The following NLE1 variants were observed in gnomAD, a reference collection of about 807,000 sequenced individuals.
NLE1 encodes the protein notchless homolog 1, also known as notchless protein homolog 1.
Under a neutral mutation model 62.8 loss-of-function variants are expected in NLE1, and 37 were observed. The observed-to-expected ratio is 0.59, with a 90% CI of 0.45 to 0.78. The LOEUF (loss-of-function observed/expected upper bound fraction) is 0.78, where lower values mean the gene tolerates loss of function less well. Ranked by LOEUF, NLE1 falls within the 30% of genes least tolerant of loss-of-function variation. NLE1 has a pLI of 0.00. For synonymous variants in NLE1, 243 were observed against 253.0 expected (o/e 0.96, Z 0.37); for missense variants, 555 against 637.9 (o/e 0.87, Z 1.40).
At position 35,139,940 on chromosome 17, in the gene NLE1, T is replaced by G; in HGVS notation, c.289A>C (p.Ile97Leu). 1 of 1,614,204 alleles carries G rather than the reference T, an allele frequency of 6.2e-7. No individual in the cohort carries two copies. The highest frequency in any genetic ancestry group is 8.5e-7 in the Non-Finnish European group (1 of 1,180,040). The change falls in exon 3 of 13, where the codon ATC becomes CTC. Residue 97 changes from isoleucine (I) to leucine (L), a missense_variant. Physicochemically the swap from Ile to Leu is conservative, Grantham distance 5. Transcript: ENST00000442241. ...CGAGTCACAGCCCGGACTCTGAAGA[T>G]AGCCTGTGGCTGGTAGATGATGTCT... Reference protein sequence around the residue: ...VLDIIYQPQAIFRVRAVTRCT... With the variant: ...VLDIIYQPQALFRVRAVTRCT...
At chr17:35,133,675 C>T (rs1462011500) in intron 10 of NLE1, among the ~76,000 whole-genome samples, 177 bp from the exon 11 acceptor site, 1 of 150,290 alleles carries the variant, frequency 6.7e-6, no homozygotes, top group Non-Finnish European at 1.5e-5. Flanking sequence ...TTAATCATTA[C>T]CAGTCATTAC....
rs777001706 is a variant in NLE1, at chr17:35,137,086, G to A, written c.743C>T (p.Ser248Leu). 71 of 1,613,862 alleles carry A rather than the reference G, an allele frequency of 4.4e-5. No individual in the cohort carries two copies. Among genetic ancestry groups the A allele is most frequent in the Non-Finnish European group, 5.2e-5 (61 of 1,179,988 alleles). ...CCCTCCCCACCGGAGACAGGTGACC[G>A]ACTGGGTGTGCCCGGTGAGGATGCG... ...CERILTGHTQ[S>L]VTCLRWGGDG... Residue 248 changes from serine to leucine, a missense_variant, in exon 7 of 13, where the codon TCG becomes TTG. By Grantham distance (145) the Ser-to-Leu change is moderately radical. Coordinates refer to ENST00000442241, the MANE Select transcript of NLE1 (RefSeq NM_018096.5).
In NLE1 at chr17:35,133,076, C is replaced by T. The variant is rs184129636; in HGVS notation, c.1445+95G>A. Reference sequence around the variant, plus strand: ...AAGACAGTCTGAGCACCTGGACGGCCCTGCGGAATTCTATGCTGTAAGGGA... The same window carrying T: ...AAGACAGTCTGAGCACCTGGACGGCTCTGCGGAATTCTATGCTGTAAGGGA... On this transcript the variant is annotated intron_variant, in intron 12 of 12. Transcript: ENST00000442241. 1.0e-3 allele frequency: 1,269 copies of T among 1,229,660 alleles called. 8 individuals carry two copies. The highest frequency in any genetic ancestry group is 3.5e-4 in the Non-Finnish European group (290 of 832,550). 76.2% of individuals were successfully genotyped at this position (1,229,660 alleles called of 1,614,324 possible).
chr17:35,141,847 G>T, intron 2 of NLE1, 132 bp downstream of exon 2: 1 of 987,708 alleles, frequency 1.0e-6, no homozygotes, highest in Non-Finnish European at 1.5e-6. Flanking sequence ...TGACATAGGT[G>T]GGAGCTCACG....
In NLE1 at chr17:35,140,086, G is replaced by A; in HGVS notation, c.163-20C>T. On this transcript the variant is annotated intron_variant, in intron 2 of 12. Coordinates refer to ENST00000442241, the MANE Select transcript of NLE1 (RefSeq NM_018096.5). The stretch of plus-strand genomic sequence containing the variant: ...ATCCTCCTGAAGGACAATGGTAAAG[G>A]ACAAACCCGCAACAATGGATGTGCA... 1 of 1,609,712 alleles carries A rather than the reference G, an allele frequency of 6.2e-7. No individual in the cohort carries two copies. The highest frequency in any genetic ancestry group is 8.5e-7 in the Non-Finnish European group (1 of 1,178,300).
rs1360394763 is a variant in NLE1 at position 35,130,454 on chromosome 17, C to A, written c.*1983G>T. 6.2e-7 allele frequency: 1 copy of A among 1,608,598 alleles called. No individual in the cohort carries two copies. On this transcript the variant is annotated 3_prime_UTR_variant, in exon 13 of 13. Coordinates refer to ENST00000442241, the MANE Select transcript of NLE1 (RefSeq NM_018096.5). ...TGTTAAGGGGGAGGGCCCCAGGACA[C>A]CCCTCACCTACTTTCAGCTTCAACC...
At position 35,135,382 on chromosome 17, in the gene NLE1, C is replaced by T. The variant is rs138198113; in HGVS notation, c.1081G>A (p.Asp361Asn). 1.9e-6 allele frequency: 3 copies of T among 1,614,176 alleles called. No homozygotes were observed. Among genetic ancestry groups the T allele is most frequent in the Admixed American group, 3.3e-5 (2 of 60,004 alleles). ...FTLFLWSPAE[D>N]KKPLTRMTGH... is the part of the protein sequence containing the mutation. The stretch of plus-strand genomic sequence containing the variant: ...GTCATCCGAGTGAGAGGCTTTTTGT[C>T]CTCTGCTGGGGACCACAGGAATAAG... Residue 361 changes from aspartate to asparagine, a missense_variant, in exon 10 of 13, where the codon GAC (aspartate) becomes AAC (asparagine). Coordinates refer to ENST00000442241, the MANE Select transcript of NLE1 (RefSeq NM_018096.5).
intron 12 of NLE1, 136 bp downstream of exon 12, chr17:35,133,035 C>T: frequency 2.4e-6 from 2 of 837,716 alleles, no homozygotes; most frequent in Non-Finnish European, 3.9e-6. Context: ...GAGAATCTGG[C>T]TCCACACGCC....
In NLE1 at chr17:35,141,982, G is replaced by A; in HGVS notation, c.159C>T (p.Ala53=). 1 of 1,580,458 alleles carries A rather than the reference G, an allele frequency of 6.3e-7. No homozygotes were observed. Among genetic ancestry groups the A allele is most frequent in the Non-Finnish European group, 8.6e-7 (1 of 1,164,552 alleles). ...GCCGCCCTGGCCAGCCACTTACCTGGGCCAGTAGCGCGTTGCACACGAGCT... is the reference window on the plus strand; with the variant it reads ...GCCGCCCTGGCCAGCCACTTACCTGAGCCAGTAGCGCGTTGCACACGAGCT... ...RLQLVCNALL[A]QEDPLPLAFF... Residue 53 remains alanine, a synonymous_variant, in exon 2 of 13, where the codon GCC becomes GCT. Transcript: ENST00000442241.
intron 7 of NLE1, 101 bp from the exon 8 acceptor site, chr17:35,136,598 C>T (rs559924920): frequency 7.1e-7 from 1 of 1,403,424 alleles, no homozygotes; most frequent in East Asian, 2.3e-5. Context: ...CATCATCACT[C>T]ATGCATTGTG....
chr17:35,140,317 G>A (rs913299654), intron 2 of NLE1, among the ~76,000 whole-genome samples: 1 of 151,540 alleles, frequency 6.6e-6, no homozygotes. Flanking sequence ...CAACCTCCGC[G>A]TCCTGGGTTC....
In NLE1 at chr17:35,136,468, G is replaced by A. The variant is rs2091909442; in HGVS notation, c.858C>T (p.His286=). 10 of 1,613,932 alleles carry A rather than the reference G, an allele frequency of 6.2e-6. No individual in the cohort carries two copies. The East Asian group carries it at 6.7e-5, about 11-fold the overall frequency. The change falls in exon 8 of 13, where the codon CAC becomes CAT. Residue 286 remains histidine, a synonymous_variant. Coordinates refer to ENST00000442241, the MANE Select transcript of NLE1 (RefSeq NM_018096.5). ...DGVLCRTLQG[H]GHWVNTMALS... is the part of the protein sequence containing the mutation. ...GGGCCATGGTGTTCACCCAGTGGCC[G>A]TGGCCTTGCAGAGTCCGGCACAGCA...
chr17:35,141,416 C>T (rs1277761373), intron 2 of NLE1, among the ~76,000 whole-genome samples: 3 of 151,880 alleles, frequency 2.0e-5, no homozygotes, highest in African/African-American at 4.8e-5. Flanking sequence ...TGTGGTGGCG[C>T]GCGCCTGTAG....
Position 35,142,081 on chromosome 17 carries a change from C to A in NLE1, c.60G>T (p.Gln20His), listed in dbSNP as rs199960173. The A allele has an allele frequency of 1.9e-6, 3 of 1,612,720 alleles. No individual in the cohort carries two copies. In the South Asian group the frequency reaches 3.3e-5, roughly 18 times the overall value. Residue 20 changes from glutamine (Q) to histidine (H), a missense_variant, in exon 2 of 13, where the codon CAG becomes CAT. By Grantham distance (24) the Gln-to-His change is conservative. Transcript: ENST00000442241. ...VARDVQRLLV[Q>H]FQDEGGQLLG... ...GCAGCTGCCCGCCCTCATCCTGGAA[C>A]TGCACTAGCAACCGCTGCACATCGC...
rs1414620758 is a variant in NLE1 at position 35,139,296 on chromosome 17, A to C, written c.399T>G (p.Ser133=). The C allele has an allele frequency of 6.2e-7, 1 of 1,613,978 alleles. No individual in the cohort carries two copies. The highest frequency in any genetic ancestry group is 8.5e-7 in the Non-Finnish European group (1 of 1,179,906). Residue 133 remains serine, a synonymous_variant, in exon 4 of 13, where the codon TCT becomes TCG. Coordinates refer to ENST00000442241, the MANE Select transcript of NLE1 (RefSeq NM_018096.5). ...CCCAGAAGCGCACGGTGGTGTCTCC[A>C]GAGCCACTGGCCAGGTACCTGGGGA... is the stretch of plus-strand genomic sequence containing the variant. ...SPTGKYLASG[S]GDTTVRFWDL... is the part of the protein sequence containing the mutation.
chr17:35,132,987 G>GGTGGCCCTCCCACTT (rs1297763505), intron 12 of NLE1, among the ~76,000 whole-genome samples, 184 bp downstream of exon 12: 9 of 151,904 alleles, frequency 5.9e-5, no homozygotes, highest in Admixed American at 1.3e-4. Flanking sequence ...CTGTTGTTCC[G>GGTGGCCCTCCCACTT]GTGGCCCTCC....
In NLE1 at chr17:35,136,160, C is replaced by A. The variant is rs747182556; in HGVS notation, c.1011+9G>T. 1 of 1,614,104 alleles carries A rather than the reference C, an allele frequency of 6.2e-7. No homozygotes were observed. The highest frequency in any genetic ancestry group is 1.1e-5 in the South Asian group (1 of 91,084). ...GAGCTAGGGGTGCACGTGGCTGGCA[C>A]ACACTCACCCGCACGAGGTTGTATC... On this transcript the variant is annotated intron_variant, in intron 9 of 12. Transcript: ENST00000442241.
chr17:35,139,928 G>A lies in NLE1; in HGVS notation c.301C>T (p.Arg101Trp), dbSNP rs763053494. The A allele has an allele frequency of 1.2e-5, 19 of 1,613,982 alleles. No individual in the cohort carries two copies. Among genetic ancestry groups the A allele is most frequent in the Middle Eastern group, 3.3e-4 (2 of 6,042 alleles). ...GAGCTGGTGCAGCGAGTCACAGCCC[G>A]GACTCTGAAGATAGCCTGTGGCTGG... ...IYQPQAIFRV[R>W]AVTRCTSSLE... The change falls in exon 3 of 13, where the codon CGG becomes TGG. Residue 101 changes from arginine to tryptophan, a missense_variant. Arg to Trp is a moderately radical substitution (Grantham distance 101, BLOSUM62 -3). Transcript: ENST00000442241.
intron 7 of NLE1, 76 bp from the exon 8 acceptor site, chr17:35,136,573 T>C: frequency 1.3e-6 from 2 of 1,527,596 alleles, no homozygotes; most frequent in Non-Finnish European, 1.8e-6. Context: ...AGACAGGTGG[T>C]ACAAGACTAA....
Sources: gnomAD v4.1 joint callset for allele counts (sites outside exome capture counted in the v4.1 genomes callset) on GRCh38, gnomAD v4.1.1 for gene constraint, MANE v1.5 for transcripts, NCBI Gene and HGNC (gene_info 2026-07-23, HGNC 2026-07-21) for gene names.